ROBO2: variants seen among roughly 807,000 people sequenced by gnomAD.
ROBO2 encodes roundabout guidance receptor 2.
Under a neutral mutation model 160.8 loss-of-function variants are expected in ROBO2, and 53 were observed. The ratio of observed to expected loss-of-function variants is 0.33; its 90% CI spans 0.26 to 0.41. ROBO2 has a LOEUF of 0.41. ROBO2 is among the 10% of genes least tolerant of loss of function. ROBO2 has a pLI of 1.00. For missense variants in ROBO2, 1,577 were observed against 1,722.4 expected (o/e 0.92, Z 1.49); for synonymous variants, 664 against 611.7 (o/e 1.09, Z -1.26).
At chr3:75,943,107 G>C (rs958526011) in intron 2 of ROBO2, among the ~76,000 whole-genome samples, 1 of 152,000 alleles carries the variant, frequency 6.6e-6, no homozygotes, top group Admixed American at 6.6e-5. Context: ...GATCATCAGG[G>C]TCACTGCCAT....
chr3:76,039,002 T>A (rs538885651), intron 2 of ROBO2, among the ~76,000 whole-genome samples: 2 of 151,952 alleles, frequency 1.3e-5, no homozygotes, highest in African/African-American at 4.8e-5. Context: ...GGATTGGTAA[T>A]GTTGACAATC....
At chr3:76,144,164 C>T (rs770149842) in intron 2 of ROBO2, among the ~76,000 whole-genome samples, 6 of 151,884 alleles carry the variant, frequency 4.0e-5, no homozygotes, top group South Asian at 2.1e-4. Context: ...TCACAAGGGG[C>T]GAGGAAGTCA....
intron 2 of ROBO2, among the ~76,000 whole-genome samples, chr3:76,223,083 C>G (rs1704072719): frequency 6.6e-6 from 1 of 151,596 alleles, no homozygotes; most frequent in African/African-American, 2.4e-5. Flanking sequence ...TATCCATTCC[C>G]AGACATGCTC....
intron 2 of ROBO2, among the ~76,000 whole-genome samples, chr3:75,954,389 A>G (rs1045495622): frequency 7.2e-5 from 11 of 151,860 alleles, no homozygotes; most frequent in African/African-American, 2.4e-4. Context: ...GTCACACAGA[A>G]CAGAAACATA....
At chr3:75,910,707 C>T (rs1242289482) in intron 1 of ROBO2, among the ~76,000 whole-genome samples, 2 of 152,044 alleles carry the variant, frequency 1.3e-5, no homozygotes, top group Non-Finnish European at 2.9e-5. Flanking sequence ...GGTATAAATT[C>T]ATTTTATTTG....
intron 2 of ROBO2, among the ~76,000 whole-genome samples, chr3:76,301,658 CATCT>C (rs1036945987): frequency 6.6e-6 from 1 of 152,036 alleles, no homozygotes; most frequent in African/African-American, 2.4e-5. Context: ...ACCTGTTATC[CATCT>C]ATCTGTCACG....
intron 2 of ROBO2, among the ~76,000 whole-genome samples, chr3:76,249,733 A>G (rs1372957333): frequency 1.3e-5 from 2 of 152,134 alleles, no homozygotes; most frequent in African/African-American, 4.8e-5. Flanking sequence ...ACAATTCCAC[A>G]ATGCGTTTAA....
intron 2 of ROBO2, among the ~76,000 whole-genome samples, chr3:77,219,039 G>A (rs1041585583): frequency 7.9e-5 from 12 of 151,994 alleles, no homozygotes; most frequent in South Asian, 2.1e-4. Flanking sequence ...TGCAATCTCC[G>A]CTCACTGCAA....
In ROBO2 at chr3:77,349,132, G is replaced by A. The variant is rs114696892; in HGVS notation, c.389-128282G>A. Among the ~76,000 whole-genome samples the A allele has an allele frequency of 7.9e-3, 1,204 of 152,114 alleles. 9 individuals carry two copies. The highest frequency in any genetic ancestry group is 0.012 in the Non-Finnish European group (794 of 68,006). On this transcript the variant is annotated intron_variant, in intron 2 of 25. Coordinates refer to ENST00000461745, the Ensembl canonical transcript of ROBO2. ...TTCTCACTGCCAGTGCTAGATGAGA[G>A]CCTTGAATATAATAGGTGGTCAATA...
chr3:76,566,034 G>A (rs2084498491), intron 2 of ROBO2, among the ~76,000 whole-genome samples: 1 of 152,158 alleles, frequency 6.6e-6, no homozygotes, highest in South Asian at 2.1e-4. Context: ...TGTACTTGGG[G>A]AGAAATCAAA....
intron 2 of ROBO2, among the ~76,000 whole-genome samples, chr3:75,937,838 A>G (rs1947855987): frequency 3.0e-5 from 1 of 33,414 alleles, no homozygotes; most frequent in Non-Finnish European, 5.2e-5. Context: ...GTTGGAATTG[A>G]TTTTATATAT....
At chr3:76,344,341 T>C (rs562455574) in intron 2 of ROBO2, among the ~76,000 whole-genome samples, 3 of 152,284 alleles carry the variant, frequency 2.0e-5, no homozygotes, top group South Asian at 4.1e-4. Context: ...TATCTTCAGA[T>C]AACTGATGAC....
intron 14 of ROBO2, among the ~76,000 whole-genome samples, chr3:77,577,011 G>C (rs142658796): frequency 6.6e-6 from 1 of 152,146 alleles, no homozygotes; most frequent in East Asian, 1.9e-4. Context: ...AATAATTTTG[G>C]TTAGAAGAAG....
rs10514732 is a variant in ROBO2, at chr3:76,441,499, G to A, written c.109+503897G>A. On this transcript the variant is annotated intron_variant, in intron 2 of 26. Transcript: ENST00000487694. ...ATATTCAAAACCAGAGGGAAGAACC[G>A]TAGTTTTCAGGAGAAGAAGCAGATT... 7.8e-3 allele frequency among the ~76,000 whole-genome samples: 1,192 copies of A among 152,272 alleles called. 30 individuals carry two copies. Among genetic ancestry groups the A allele is most frequent in the South Asian group, 0.049 (237 of 4,824 alleles).
At chr3:76,125,782 A>G (rs894255739) in intron 2 of ROBO2, among the ~76,000 whole-genome samples, 2 of 152,144 alleles carry the variant, frequency 1.3e-5, no homozygotes, top group South Asian at 2.1e-4. Context: ...TAAATGGTTT[A>G]TCACAAATAA....
chr3:76,687,752 GA>G (rs1255663922), intron 2 of ROBO2, among the ~76,000 whole-genome samples: 2 of 151,728 alleles, frequency 1.3e-5, no homozygotes, highest in East Asian at 1.9e-4. Context: ...CTAAGGATTA[GA>G]AAAAAAGTTT....
intron 2 of ROBO2, among the ~76,000 whole-genome samples, chr3:77,346,540 A>G (rs1257045292): frequency 6.6e-6 from 1 of 152,154 alleles, no homozygotes. Context: ...ATTATTTTAC[A>G]TTTCTGTAGG....
At chr3:77,114,005 G>T (rs1273209603) in intron 2 of ROBO2, among the ~76,000 whole-genome samples, 1 of 152,178 alleles carries the variant, frequency 6.6e-6, no homozygotes, top group Non-Finnish European at 1.5e-5. Context: ...CCCAGCTGAT[G>T]AGAGGCAGGC....
chr3:77,169,094 C>T (rs774598082), intron 2 of ROBO2, among the ~76,000 whole-genome samples: 3 of 152,234 alleles, frequency 2.0e-5, no homozygotes, highest in Non-Finnish European at 2.9e-5. Context: ...TGCATCCACA[C>T]GTATGCAAAT....
Sources: gnomAD v4.1 joint callset for allele counts (sites outside exome capture counted in the v4.1 genomes callset) on GRCh38, gnomAD v4.1.1 for gene constraint, MANE v1.5 for transcripts, NCBI Gene and HGNC (gene_info 2026-07-23, HGNC 2026-07-21) for gene names.